Variants in GRIN2A observed in about 807,000 individuals in gnomAD.
The protein encoded by GRIN2A is glutamate receptor ionotropic, NMDA 2A.
Under a neutral mutation model 113.4 loss-of-function variants are expected in GRIN2A, and 22 were observed. The observed-to-expected ratio is 0.19, with a 90% confidence interval of 0.14 to 0.28. GRIN2A has a LOEUF of 0.28. Ranked by LOEUF, GRIN2A falls within the 10% of genes least tolerant of loss-of-function variation. The pLI is 1.00. For missense variants in GRIN2A, 1,502 were observed against 1,887.0 expected (o/e 0.80, Z 3.78); for synonymous variants, 827 against 738.4 (o/e 1.12, Z -1.94).
At chr16:9,952,413 T>C (rs1439123425) in intron 2 of GRIN2A, among the ~76,000 whole-genome samples, 1 of 151,588 alleles carries the variant, frequency 6.6e-6, no homozygotes, top group Non-Finnish European at 1.5e-5. Flanking sequence ...ATGAAGAACA[T>C]GGCACCCACT....
intron 2 of GRIN2A, among the ~76,000 whole-genome samples, chr16:10,137,271 A>G (rs2049215482): frequency 6.6e-6 from 1 of 152,210 alleles, no homozygotes; most frequent in Admixed American, 6.5e-5. Context: ...TACCACCCTC[A>G]TTTAAAAGGA....
intron 2 of GRIN2A, among the ~76,000 whole-genome samples, chr16:10,051,341 G>T (rs373618700): frequency 5.9e-5 from 9 of 152,142 alleles, no homozygotes; most frequent in Non-Finnish European, 8.8e-5. Context: ...CTCCTGCATG[G>T]GTCTCAGAGT....
intron 2 of GRIN2A, among the ~76,000 whole-genome samples, chr16:10,067,695 C>T (rs1469374842): frequency 6.6e-6 from 1 of 152,072 alleles, no homozygotes; most frequent in Non-Finnish European, 1.5e-5. Flanking sequence ...GCTGAGATTA[C>T]CCACAGGCTA....
chr16:9,947,101 G>C lies in GRIN2A; in HGVS notation c.415-8550C>G, dbSNP rs140932712. ...TTGAATCAGAATAATTCAAACTACA[G>C]GGTAGTGCATCTCTCTTCATCATCC... On this transcript the variant is annotated intron_variant, in intron 2 of 12. Coordinates refer to ENST00000330684, the MANE Select transcript of GRIN2A (RefSeq NM_001134407.3). 8.7e-4 allele frequency among the ~76,000 whole-genome samples: 133 copies of C among 152,260 alleles called. 1 individual carries two copies. Among genetic ancestry groups the C allele is most frequent in the Non-Finnish European group, 1.5e-3 (104 of 68,012 alleles).
chr16:9,988,751 G>C (rs1288595541), intron 2 of GRIN2A, among the ~76,000 whole-genome samples: 1 of 152,106 alleles, frequency 6.6e-6, no homozygotes, highest in Non-Finnish European at 1.5e-5. Flanking sequence ...TTAGAACCAA[G>C]CCAAGATATG....
intron 2 of GRIN2A, among the ~76,000 whole-genome samples, chr16:10,119,565 A>C (rs1160253119): frequency 6.6e-6 from 1 of 152,174 alleles, no homozygotes; most frequent in African/African-American, 2.4e-5. Flanking sequence ...CTCAACAGGG[A>C]AAGATTATTT....
intron 2 of GRIN2A, among the ~76,000 whole-genome samples, chr16:9,984,940 G>A (rs1367202605): frequency 6.6e-6 from 1 of 152,024 alleles, no homozygotes; most frequent in Non-Finnish European, 1.5e-5. Context: ...AAACGTATCT[G>A]CGATATGACA....
At chr16:10,036,197 G>A (rs990307925) in intron 2 of GRIN2A, among the ~76,000 whole-genome samples, 1 of 152,130 alleles carries the variant, frequency 6.6e-6, no homozygotes, top group African/African-American at 2.4e-5. Flanking sequence ...ATTGGTATTA[G>A]CATTAGTTCT....
chr16:10,151,935 C>G lies in GRIN2A; in HGVS notation c.414+28063G>C, dbSNP rs113481409. The stretch of plus-strand genomic sequence containing the variant: ...GCTGCAGGTGAGATATTCATTCAAA[C>G]CAGCAGGAAGAGAAATGCTGAATCT... On this transcript the variant is annotated intron_variant, in intron 2 of 12. Coordinates refer to ENST00000330684, the MANE Select transcript of GRIN2A (RefSeq NM_001134407.3). 7.8e-3 allele frequency among the ~76,000 whole-genome samples: 1,195 copies of G among 152,288 alleles called. 5 individuals are homozygous for G. The highest frequency in any genetic ancestry group is 0.012 in the Non-Finnish European group (824 of 68,034).
At chr16:9,974,564 G>A (rs920912295) in intron 2 of GRIN2A, among the ~76,000 whole-genome samples, 4 of 152,182 alleles carry the variant, frequency 2.6e-5, no homozygotes, top group Admixed American at 6.5e-5. Flanking sequence ...CTTGAGACAG[G>A]AGTCTTGCCG....
chr16:10,141,479 C>G lies in GRIN2A; in HGVS notation c.414+38519G>C, dbSNP rs560215315. Among the ~76,000 whole-genome samples, 18 of 152,054 alleles carry G rather than the reference C, an allele frequency of 1.2e-4. No homozygotes were observed. The South Asian group carries it at 1.2e-3, about 10-fold the overall frequency. ...CTCCAGCCTGGGCAACAGAGCGAGA[C>G]TCCATCTAAAAAAATGAAATAAAAT... is the stretch of plus-strand genomic sequence containing the variant. On this transcript the variant is annotated intron_variant, in intron 2 of 12. Transcript: ENST00000330684.
At chr16:9,901,847 T>C (rs912255574) in intron 3 of GRIN2A, among the ~76,000 whole-genome samples, 1 of 152,244 alleles carries the variant, frequency 6.6e-6, no homozygotes, top group Non-Finnish European at 1.5e-5. Flanking sequence ...AAAAGAACTC[T>C]GGTCTTCAAA....
chr16:9,969,808 G>A (rs1013754166), intron 2 of GRIN2A, among the ~76,000 whole-genome samples: 1 of 152,224 alleles, frequency 6.6e-6, no homozygotes, highest in Non-Finnish European at 1.5e-5. Context: ...GCACAGGAAA[G>A]CTCCCTATTC....
At chr16:9,803,717 T>C (rs1378904718) in intron 10 of GRIN2A, among the ~76,000 whole-genome samples, 1 of 152,166 alleles carries the variant, frequency 6.6e-6, no homozygotes, top group Non-Finnish European at 1.5e-5. Flanking sequence ...ATGGAGAAAC[T>C]GAGGCATTGA....
intron 2 of GRIN2A, among the ~76,000 whole-genome samples, chr16:9,939,922 T>A (rs1596346166): frequency 6.6e-6 from 1 of 151,986 alleles, no homozygotes; most frequent in East Asian, 1.9e-4. Context: ...TATCAAAAGG[T>A]CCTCATCATA....
chr16:9,890,938 C>T (rs370508801), intron 4 of GRIN2A, 48 bp downstream of exon 4: 1 of 1,162,900 alleles, frequency 8.6e-7, no homozygotes, highest in East Asian at 2.3e-5. Context: ...CCTTTATTGC[C>T]CATGCTTTCT....
At chr16:9,835,788 A>G (rs1469058521) in intron 7 of GRIN2A, among the ~76,000 whole-genome samples, 2 of 152,224 alleles carry the variant, frequency 1.3e-5, no homozygotes, top group Non-Finnish European at 2.9e-5. Flanking sequence ...AGAGGTCACC[A>G]CAAATTCCAA....
chr16:9,948,711 G>T (rs2045087865), intron 2 of GRIN2A, among the ~76,000 whole-genome samples: 1 of 152,170 alleles, frequency 6.6e-6, no homozygotes, highest in Admixed American at 6.5e-5. Flanking sequence ...AAAGGAAGAG[G>T]GGCCACCCTG....
At chr16:10,145,743 G>A (rs1450953392) in intron 2 of GRIN2A, among the ~76,000 whole-genome samples, 7 of 152,286 alleles carry the variant, frequency 4.6e-5, no homozygotes, top group South Asian at 2.1e-4. Flanking sequence ...CCATATGGTC[G>A]CCATAGCAAC....
Sources: allele counts gnomAD v4.1 joint callset (sites outside exome capture counted in the v4.1 genomes callset), GRCh38; gene constraint gnomAD v4.1.1; transcripts MANE v1.5; gene names NCBI Gene and HGNC (gene_info 2026-07-23, HGNC 2026-07-21).